Variants in C13orf42 observed in about 807,000 individuals in gnomAD.
C13orf42 encodes the protein chromosome 13 open reading frame 42.
At chr13:51,110,113 G>A (rs746983532) in intron 1 of C13orf42, among the ~76,000 whole-genome samples, 6 of 152,224 alleles carry the variant, frequency 3.9e-5, no homozygotes, top group Non-Finnish European at 5.9e-5. Context: ...TGCCTGGTCT[G>A]AGGTACAGAT....
chr13:51,136,173 G>A (rs1176296051), intron 1 of C13orf42, among the ~76,000 whole-genome samples: 1 of 152,072 alleles, frequency 6.6e-6, no homozygotes, highest in East Asian at 1.9e-4. Context: ...CCACCACACT[G>A]TGCTCCCGTT....
At chr13:51,105,327 C>T (rs1953341370) in intron 1 of C13orf42, among the ~76,000 whole-genome samples, 1 of 152,218 alleles carries the variant, frequency 6.6e-6, no homozygotes, top group Non-Finnish European at 1.5e-5. Flanking sequence ...GCAAGACCGA[C>T]TACCCCCATG....
chr13:51,085,701 T>G, intron 2 of C13orf42, 142 bp from the exon 3 acceptor site: 1 of 396,258 alleles, frequency 2.5e-6, no homozygotes. Context: ...GCAAAGCAGA[T>G]TTGACTCTGC....
chr13:51,150,682 T>C (rs1953771836), intron 1 of C13orf42, among the ~76,000 whole-genome samples: 2 of 152,156 alleles, frequency 1.3e-5, no homozygotes. Flanking sequence ...GCCCATCAAT[T>C]TGCCTAGGGG....
intron 1 of C13orf42, among the ~76,000 whole-genome samples, chr13:51,089,249 T>C (rs1488641705): frequency 6.6e-6 from 1 of 152,182 alleles, no homozygotes; most frequent in African/African-American, 2.4e-5. Flanking sequence ...CATTTTTAAA[T>C]AGGAGGATTT....
At position 51,151,453 on chromosome 13, in the gene C13orf42, C is replaced by T. The variant is rs566290210; in HGVS notation, n.136+20800G>A. 5.9e-5 allele frequency among the ~76,000 whole-genome samples: 9 copies of T among 152,260 alleles called. 1 individual carries two copies. Among genetic ancestry groups the T allele is most frequent in the Admixed American group, 5.2e-4 (8 of 15,306 alleles). On this transcript the variant is annotated intron_variant and non_coding_transcript_variant, in intron 1 of 4. Coordinates refer to the C13orf42 transcript ENST00000433280. ...CTAGAGCCTCTAGAAGGAACTGAAC[C>T]CTGCGGACACCTTGATTTTTAGCCC...
intron 1 of C13orf42, among the ~76,000 whole-genome samples, chr13:51,148,480 G>T (rs1319746824): frequency 6.6e-6 from 1 of 152,250 alleles, no homozygotes; most frequent in Non-Finnish European, 1.5e-5. Flanking sequence ...AAGCCCCACA[G>T]GGAGGTGACA....
At chr13:51,155,421 T>C (rs1282945668) in intron 1 of C13orf42, among the ~76,000 whole-genome samples, 1 of 152,262 alleles carries the variant, frequency 6.6e-6, no homozygotes, top group Non-Finnish European at 1.5e-5. Context: ...AATTGCTTCA[T>C]GCAATGAATT....
At chr13:51,103,981 TG>T (rs1953321709) in intron 1 of C13orf42, among the ~76,000 whole-genome samples, 1 of 152,242 alleles carries the variant, frequency 6.6e-6, no homozygotes, top group Admixed American at 6.5e-5. Flanking sequence ...ACATTGTGAA[TG>T]TACTTAATGC....
chr13:51,136,784 C>T (rs1318004623), intron 1 of C13orf42, among the ~76,000 whole-genome samples: 1 of 152,144 alleles, frequency 6.6e-6, no homozygotes, highest in Non-Finnish European at 1.5e-5. Flanking sequence ...GGCGCGAGGC[C>T]CTGAGAAGCC....
intron 1 of C13orf42, among the ~76,000 whole-genome samples, chr13:51,122,243 A>T (rs1953541363): frequency 6.6e-6 from 1 of 152,102 alleles, no homozygotes; most frequent in Non-Finnish European, 1.5e-5. Flanking sequence ...ATTAGAAAAG[A>T]AAGCATTGGG....
At chr13:51,123,092 G>A (rs1293237983) in intron 1 of C13orf42, among the ~76,000 whole-genome samples, 1 of 152,146 alleles carries the variant, frequency 6.6e-6, no homozygotes, top group Admixed American at 6.5e-5. Context: ...AAAACCACAC[G>A]TGGTGAATGA....
upstream of C13orf42, among the ~76,000 whole-genome samples, chr13:51,111,786 G>C (rs554817659): frequency 3.3e-5 from 5 of 152,266 alleles, no homozygotes; most frequent in African/African-American, 1.2e-4. Flanking sequence ...AGATGGGCCA[G>C]GGTGGACACA....
At chr13:51,156,311 GGTAACACAT>G (rs1953824009) in intron 1 of C13orf42, among the ~76,000 whole-genome samples, 2 of 152,142 alleles carry the variant, frequency 1.3e-5, no homozygotes, top group African/African-American at 4.8e-5. Flanking sequence ...CAGAGTAATC[GGTAACACAT>G]GTATAGCTCT....
At chr13:51,149,177 T>C (rs1006498494) in intron 1 of C13orf42, among the ~76,000 whole-genome samples, 1 of 151,948 alleles carries the variant, frequency 6.6e-6, no homozygotes, top group Non-Finnish European at 1.5e-5. Context: ...CTAGATGGGG[T>C]TCTTGATCTC....
upstream of C13orf42, among the ~76,000 whole-genome samples, chr13:51,112,937 A>G (rs1227886054): frequency 6.6e-6 from 1 of 152,172 alleles, no homozygotes; most frequent in African/African-American, 2.4e-5. Context: ...TGACTCATGC[A>G]TAATATCAAA....
chr13:51,084,877 C>T (rs886518524), intron 3 of C13orf42, among the ~76,000 whole-genome samples: 2 of 152,300 alleles, frequency 1.3e-5, no homozygotes, highest in East Asian at 1.9e-4. Context: ...GCCAGCAAGA[C>T]GTTCTACATC....
intron 1 of C13orf42, among the ~76,000 whole-genome samples, chr13:51,163,531 A>G (rs1953882652): frequency 6.6e-6 from 1 of 152,138 alleles, no homozygotes; most frequent in African/African-American, 2.4e-5. Context: ...CTGTTTGTAA[A>G]AAGCATGCAG....
At chr13:51,142,595 TAAA>T (rs34706510) in intron 1 of C13orf42, among the ~76,000 whole-genome samples, 5 of 141,686 alleles carry the variant, frequency 3.5e-5, no homozygotes, top group Non-Finnish European at 6.1e-5. Flanking sequence ...CATTTCTGCT[TAAA>T]AAAAAAAAAA....
Sources: allele counts gnomAD v4.1 joint callset (sites outside exome capture counted in the v4.1 genomes callset), GRCh38; gene constraint gnomAD v4.1.1; transcripts MANE v1.5; gene names NCBI Gene and HGNC (gene_info 2026-07-23, HGNC 2026-07-21).